The following TATDN3 variants were observed in gnomAD, a reference collection of about 807,000 sequenced individuals.
TATDN3 encodes the protein deoxyribonuclease TATDN3.
TATDN3 carries 29 observed loss-of-function variants against 40.1 expected under a neutral mutation model. The ratio of observed to expected loss-of-function variants is 0.72; its 90% CI spans 0.54 to 0.99. TATDN3 has a LOEUF of 0.99. Among genes scored for constraint, TATDN3 ranks in the 50% least tolerant of loss-of-function variants. TATDN3 has a pLI of 0.00. For synonymous variants in TATDN3, 105 were observed against 117.0 expected, an observed-to-expected ratio of 0.90 and a Z score of 0.66; for missense variants, 309 against 321.9, an observed-to-expected ratio of 0.96 and a Z score of 0.31.
chr1:212,804,984 C>T (rs541617815), intron 7 of TATDN3, among the ~76,000 whole-genome samples: 179 of 152,230 alleles, frequency 1.2e-3, no homozygotes, highest in Non-Finnish European at 1.1e-3. Context: ...TTTTTTGAGA[C>T]GGAGTCTCAC....
intron 4 of TATDN3, chr1:212,797,636 T>C (rs1296812534): frequency 1.4e-4 from 22 of 153,418 alleles, no homozygotes; most frequent in Admixed American, 1.4e-3. Flanking sequence ...TCTGTAACTT[T>C]TTTCACATTT....
chr1:212,809,980 C>T (rs987364485), intron 8 of TATDN3, among the ~76,000 whole-genome samples: 9 of 151,906 alleles, frequency 5.9e-5, no homozygotes, highest in African/African-American at 1.9e-4. Flanking sequence ...GCTGAGATCG[C>T]GCTTCTGCAC....
In TATDN3 at chr1:212,807,798, A is replaced by G. The variant is rs1348897646; in HGVS notation, c.550A>G (p.Arg184Gly). The change falls in exon 8 of 10, where the codon AGA becomes GGA. Residue 184 changes from arginine (R) to glycine (G), a missense_variant. Coordinates refer to ENST00000366974, the MANE Select transcript of TATDN3 (RefSeq NM_001042552.3). Reference sequence around the variant, plus strand: ...GCCATCTGTAGCCATGGAAGGAGTAAGAGCTGGGTACTTCTTCTCAATTCC... The same window carrying G: ...GCCATCTGTAGCCATGGAAGGAGTAGGAGCTGGGTACTTCTTCTCAATTCC... ...GRPSVAMEGV[R>G]AGYFFSIPPS... The G allele has an allele frequency of 1.2e-6, 2 of 1,613,870 alleles. No individual in the cohort carries two copies. The highest frequency in any genetic ancestry group is 1.7e-6 in the Non-Finnish European group (2 of 1,179,950).
rs758254799 is a variant in TATDN3 at position 212,795,122 on chromosome 1, A to T, written c.94A>T (p.Lys32Ter). ...RDLDDVLEKA[K>*]KANVVALVAV... ...TTTGGATGATGTGTTGGAGAAAGCC[A>T]AGAAGGTAAGTCAATATTTGTAATT... The change falls in exon 2 of 10, where the codon AAG becomes TAG. Residue 32 changes from lysine (K) to a stop codon, truncating the protein, a stop_gained. Transcript: ENST00000366974. LOFTEE classifies it high-confidence loss of function. The T allele has an allele frequency of 6.2e-7, 1 of 1,612,356 alleles. No individual in the cohort carries two copies.
intron 8 of TATDN3, among the ~76,000 whole-genome samples, chr1:212,809,696 AAAG>A (rs1662748896): frequency 9.9e-5 from 15 of 151,078 alleles, no homozygotes; most frequent in Admixed American, 8.6e-4. Flanking sequence ...AAAAAAAAAA[AAAG>A]AAAAAAGAAA....
rs574363932 is a variant in TATDN3, at chr1:212,800,860, G to A, written c.259-1841G>A. On this transcript the variant is annotated intron_variant, in intron 4 of 9. Transcript: ENST00000366974. ...ATGAATAATTATATAGTAGTATTAT[G>A]CCCAATCATAAGGTATAGGGGTATG... Among the ~76,000 whole-genome samples the A allele has an allele frequency of 2.7e-5, 4 of 150,716 alleles. No individual in the cohort carries two copies. In the East Asian group the frequency reaches 5.9e-4, roughly 22 times the overall value.
chr1:212,804,227 A>C lies in TATDN3; in HGVS notation c.322-93A>C, dbSNP rs1662326578. On this transcript the variant is annotated intron_variant, in intron 5 of 9. Transcript: ENST00000366974. ...TATGTGGCTTGCTTTTGTGCCTCAC[A>C]TTATATATTTCTATTGGATAGCATC... 12 of 811,290 alleles carry C rather than the reference A, an allele frequency of 1.5e-5. No homozygotes were observed. In the East Asian group the frequency reaches 3.3e-4, roughly 22 times the overall value. The allele number at this position is 811,290 out of a possible 1,614,324, so 50.3% of individuals were successfully genotyped here. A position where few individuals can be genotyped will look rare whatever the true frequency, so the allele number is the denominator to read the frequency against.
intron 8 of TATDN3, among the ~76,000 whole-genome samples, chr1:212,811,622 A>G (rs1662882999): frequency 6.6e-6 from 1 of 152,046 alleles, no homozygotes; most frequent in Non-Finnish European, 1.5e-5. Context: ...TCTGTTGCCC[A>G]GTCTGGAGTA....
intron 1 of TATDN3, among the ~76,000 whole-genome samples, chr1:212,794,416 C>G (rs1661591229): frequency 6.6e-6 from 1 of 151,878 alleles, no homozygotes; most frequent in African/African-American, 2.4e-5. Flanking sequence ...CATGGTGAAA[C>G]ACCATCTCTA....
chr1:212,809,956 A>G (rs953275847), intron 8 of TATDN3, among the ~76,000 whole-genome samples: 1 of 151,958 alleles, frequency 6.6e-6, no homozygotes, highest in African/African-American at 2.4e-5. Context: ...CCCAGGAGGC[A>G]GATGTTGCAG....
At chr1:212,800,435 G>A (rs551238581) in intron 4 of TATDN3, among the ~76,000 whole-genome samples, 4 of 150,154 alleles carry the variant, frequency 2.7e-5, no homozygotes, top group Admixed American at 6.7e-5. Context: ...GTGCAGTGGC[G>A]CCATAATACA....
intron 1 of TATDN3, among the ~76,000 whole-genome samples, chr1:212,792,278 G>C (rs1661359923): frequency 6.6e-6 from 1 of 151,898 alleles, no homozygotes; most frequent in Non-Finnish European, 1.5e-5. Context: ...TTTTCCCCTC[G>C]GGGCTCTCAC....
intron 9 of TATDN3, among the ~76,000 whole-genome samples, chr1:212,813,175 A>C (rs781738029): frequency 6.6e-6 from 1 of 152,316 alleles, no homozygotes; most frequent in Middle Eastern, 3.4e-3. Flanking sequence ...TGATATAATC[A>C]TGGGTTTATT....
Position 212,816,038 on chromosome 1 carries a change from T to C in TATDN3, c.*882T>C, listed in dbSNP as rs1663166776. 1 of 152,230 alleles carries C rather than the reference T, an allele frequency of 6.6e-6. No individual in the cohort carries two copies. The highest frequency in any genetic ancestry group is 1.5e-5 in the Non-Finnish European group (1 of 68,040). The allele number at this position is 152,230 out of a possible 1,614,324, so 9.4% of individuals were successfully genotyped here. A position where few individuals can be genotyped will look rare whatever the true frequency, so the allele number is the denominator to read the frequency against. ...AGGCCAGTGGTTTAAACAATCATTA[T>C]TGAATACCAAGCCCAAAAGTTTAGT... On this transcript the variant is annotated 3_prime_UTR_variant, in exon 10 of 10. Transcript: ENST00000366974.
At chr1:212,806,587 G>A (rs1448765902) in intron 7 of TATDN3, among the ~76,000 whole-genome samples, 6 of 150,152 alleles carry the variant, frequency 4.0e-5, no homozygotes, top group Non-Finnish European at 7.4e-5. Flanking sequence ...ATGTTGCCCA[G>A]GCTGGTCTCA....
intron 1 of TATDN3, among the ~76,000 whole-genome samples, chr1:212,792,532 G>A (rs1044972702): frequency 6.0e-5 from 9 of 150,180 alleles, no homozygotes; most frequent in African/African-American, 2.0e-4. Flanking sequence ...CTACTCGGGA[G>A]GCTGAGGTGG....
Position 212,815,078 on chromosome 1 carries a change from A to T in TATDN3, c.747A>T (p.Ser249=). The T allele has an allele frequency of 6.2e-7, 1 of 1,614,140 alleles. No homozygotes were observed. Among genetic ancestry groups the T allele is most frequent in the South Asian group, 1.1e-5 (1 of 91,080 alleles). Residue 249 remains serine, a synonymous_variant, in exon 10 of 10, where the codon TCA becomes TCT. Transcript: ENST00000366974. ...AEYIAQVKGI[S]VEEVIEVTTQ... is the part of the protein sequence containing the mutation. Reference sequence around the variant, plus strand: ...ATATTGCCCAGGTGAAAGGGATCTCAGTGGAAGAAGTTATAGAAGTGACGA... The same window carrying T: ...ATATTGCCCAGGTGAAAGGGATCTCTGTGGAAGAAGTTATAGAAGTGACGA...
chr1:212,805,120 T>A lies in TATDN3; in HGVS notation c.487+469T>A, dbSNP rs375623375. Reference sequence around the variant, plus strand: ...GAGATTACAGGCACCCACTATCACATCCAGCTAATTTTTATATTTTTAGTA... The same window carrying A: ...GAGATTACAGGCACCCACTATCACAACCAGCTAATTTTTATATTTTTAGTA... On this transcript the variant is annotated intron_variant, in intron 7 of 9. Coordinates refer to ENST00000366974, the MANE Select transcript of TATDN3 (RefSeq NM_001042552.3). Among the ~76,000 whole-genome samples the A allele has an allele frequency of 2.0e-5, 3 of 151,102 alleles. No homozygotes were observed. The East Asian group carries it at 5.8e-4, about 29-fold the overall frequency.
intron 7 of TATDN3, among the ~76,000 whole-genome samples, chr1:212,806,881 T>TATACACATATATAC (rs1662564982): frequency 1.1e-5 from 1 of 90,992 alleles, no homozygotes; most frequent in African/African-American, 5.1e-5. Context: ...TATATACATA[T>TATACACATATATAC]GTATATACAC....
Sources: allele counts gnomAD v4.1 joint callset (sites outside exome capture counted in the v4.1 genomes callset), GRCh38; gene constraint gnomAD v4.1.1; transcripts MANE v1.5; gene names NCBI Gene and HGNC (gene_info 2026-07-23, HGNC 2026-07-21).